Variants in MOCOS observed in about 807,000 individuals in gnomAD.
MOCOS encodes human molybdenum cofactor sulfurase.
In MOCOS, 86 loss-of-function variants were observed where a neutral mutation model predicts 83.6. The observed-to-expected ratio is 1.03, with a 90% CI of 0.86 to 1.23. MOCOS has a LOEUF of 1.23. Among genes scored for constraint, MOCOS ranks in the 50% most tolerant of loss-of-function variants. MOCOS has a pLI of 0.00. For missense variants in MOCOS, 1,120 were observed against 1,126.9 expected (o/e 0.99, Z 0.09); for synonymous variants, 445 against 434.7 (o/e 1.02, Z -0.29).
At chr18:36,257,123 T>C (rs371646056) in intron 12 of MOCOS, 50 bp downstream of exon 12, 2 of 1,504,200 alleles carry the variant, frequency 1.3e-6, no homozygotes, top group Admixed American at 1.7e-5. Flanking sequence ...CATTTGCCAC[T>C]GGGAGCAGGG....
chr18:36,218,296 C>T (rs1297109069), intron 8 of MOCOS, among the ~76,000 whole-genome samples: 2 of 151,722 alleles, frequency 1.3e-5, no homozygotes, highest in South Asian at 2.1e-4. Flanking sequence ...TAATTTTTTC[C>T]ATCAGCAGAC....
intron 1 of MOCOS, 56 bp downstream of exon 1, chr18:36,187,737 G>A (rs1197171269): frequency 1.6e-6 from 2 of 1,248,792 alleles, no homozygotes; most frequent in Middle Eastern, 2.1e-4. Flanking sequence ...GACGTGGACG[G>A]ATCTTTTGCT....
intron 1 of MOCOS, among the ~76,000 whole-genome samples, chr18:36,188,002 G>T (rs891175269): frequency 6.6e-6 from 1 of 152,204 alleles, no homozygotes; most frequent in African/African-American, 2.4e-5. Context: ...ACTGTAAAGG[G>T]CCTGCTGGGG....
At chr18:36,189,972 G>C (rs975905831) in intron 1 of MOCOS, 1 of 152,216 alleles carries the variant, frequency 6.6e-6, no homozygotes, top group African/African-American at 2.4e-5. Flanking sequence ...CTTGGATTTT[G>C]TACTGTTAAC....
At chr18:36,256,245 G>T (rs1289290738) in intron 11 of MOCOS, among the ~76,000 whole-genome samples, 1 of 152,006 alleles carries the variant, frequency 6.6e-6, no homozygotes, top group African/African-American at 2.4e-5. Context: ...CTCAATATCT[G>T]GCACTTGCCC....
intron 9 of MOCOS, among the ~76,000 whole-genome samples, chr18:36,232,625 A>G (rs2091542477): frequency 6.6e-6 from 1 of 151,644 alleles, no homozygotes. Flanking sequence ...CCATTAACCA[A>G]CCTCTCCCTA....
intron 5 of MOCOS, 112 bp downstream of exon 5, chr18:36,203,301 C>A: frequency 1.0e-6 from 1 of 982,732 alleles, no homozygotes; most frequent in Non-Finnish European, 1.6e-6. Context: ...GTGACTGGCA[C>A]TCCATGTAGT....
chr18:36,217,000 C>G (rs566819422), intron 8 of MOCOS, among the ~76,000 whole-genome samples: 1 of 152,140 alleles, frequency 6.6e-6, no homozygotes, highest in Non-Finnish European at 1.5e-5. Flanking sequence ...TAGCTGGACT[C>G]TACTTCTCAA....
At position 36,234,167 on chromosome 18, in the gene MOCOS, C is replaced by G. The variant is rs143698074; in HGVS notation, c.1960+13950C>G. 4.0e-3 allele frequency among the ~76,000 whole-genome samples: 606 copies of G among 152,150 alleles called. 15 individuals carry two copies. The highest frequency in any genetic ancestry group is 0.037 in the Admixed American group (562 of 15,256). On this transcript the variant is annotated intron_variant, in intron 9 of 14. Coordinates refer to ENST00000261326, the MANE Select transcript of MOCOS (RefSeq NM_017947.4). ...TTCTAGGATTTTTATGGTTTCATGT[C>G]TTAGATTTAAGTCTTTGATCCATCT...
chr18:36,251,011 C>G, intron 10 of MOCOS, 148 bp from the exon 11 acceptor site: 1 of 983,916 alleles, frequency 1.0e-6, no homozygotes, highest in Non-Finnish European at 1.5e-6. Context: ...TTGGAAATCT[C>G]CTTGCAGCAT....
chr18:36,199,714 G>T lies in MOCOS; in HGVS notation c.331G>T (p.Asp111Tyr), dbSNP rs764247699. ...ILAHFHTTAE[D>Y]YTVIFTAGST... ...GGCGCACTTCCACACCACCGCAGAA[G>T]ACTACACTGTGATCTTCACTGCCGG... The change falls in exon 4 of 15, where the codon GAC becomes TAC. Residue 111 changes from aspartate to tyrosine, a missense_variant. Coordinates refer to ENST00000261326, the MANE Select transcript of MOCOS (RefSeq NM_017947.4). 2 of 1,614,020 alleles carry T rather than the reference G, an allele frequency of 1.2e-6. No individual in the cohort carries two copies. The highest frequency in any genetic ancestry group is 1.7e-6 in the Non-Finnish European group (2 of 1,180,034).
intron 13 of MOCOS, among the ~76,000 whole-genome samples, chr18:36,263,594 C>T (rs1392475030): frequency 6.6e-6 from 1 of 152,156 alleles, no homozygotes; most frequent in East Asian, 1.9e-4. Context: ...TTACATGACA[C>T]AGTCTGGGAT....
chr18:36,197,247 TA>T (rs1268432653), intron 2 of MOCOS, among the ~76,000 whole-genome samples: 14 of 152,092 alleles, frequency 9.2e-5, no homozygotes, highest in Non-Finnish European at 1.8e-4. Context: ...GGACTTAGAT[TA>T]AGTGGCGTTC....
rs2144900946 is a variant in MOCOS at position 36,199,949 on chromosome 18, A to G, written c.566A>G (p.Asn189Ser). Reference protein sequence around the residue: ...SAEERSASASNPDCQLPHLFC... With the variant: ...SAEERSASASSPDCQLPHLFC... ...GAGGAACGTAGTGCTTCAGCCAGCA[A>G]CCCAGACTGCCAGCTGCCGCATCTC... The change falls in exon 4 of 15, where the codon AAC becomes AGC. Residue 189 changes from asparagine to serine, a missense_variant. Transcript: ENST00000261326. 6.2e-7 allele frequency: 1 copy of G among 1,614,200 alleles called. No individual in the cohort carries two copies. The highest frequency in any genetic ancestry group is 8.5e-7 in the Non-Finnish European group (1 of 1,180,020).
intron 11 of MOCOS, 76 bp downstream of exon 11, chr18:36,251,359 C>G: frequency 1.9e-6 from 3 of 1,563,632 alleles, no homozygotes; most frequent in Non-Finnish European, 2.6e-6. Context: ...AGCCCATGAA[C>G]TGCACTTACG....
At chr18:36,246,529 C>T (rs2096886) in intron 9 of MOCOS, among the ~76,000 whole-genome samples, 16,920 of 152,172 alleles carry the variant, frequency 0.11, 1,032 homozygotes, top group Non-Finnish European at 0.13. Flanking sequence ...GTGAAGGTGG[C>T]GGGGAGTAAA....
chr18:36,188,823 C>CG (rs1052462168), intron 1 of MOCOS, among the ~76,000 whole-genome samples: 1 of 147,406 alleles, frequency 6.8e-6, no homozygotes, highest in Non-Finnish European at 1.5e-5. Flanking sequence ...AGGAGGGAGA[C>CG]GGGGGTGCCT....
At chr18:36,256,745 A>G (rs774749337) in intron 11 of MOCOS, 3 of 483,752 alleles carry the variant, frequency 6.2e-6, no homozygotes, top group Non-Finnish European at 1.1e-5. Flanking sequence ...CCTTATTGTT[A>G]TTTTCTCCAC....
At chr18:36,249,124 C>A in intron 10 of MOCOS, 124 bp downstream of exon 10, 1 of 820,820 alleles carries the variant, frequency 1.2e-6, no homozygotes, top group South Asian at 1.4e-5. Flanking sequence ...TCCATTTCTC[C>A]CTTGCATGCT....
Sources: gnomAD v4.1 joint callset for allele counts (sites outside exome capture counted in the v4.1 genomes callset) on GRCh38, gnomAD v4.1.1 for gene constraint, MANE v1.5 for transcripts, NCBI Gene and HGNC (gene_info 2026-07-23, HGNC 2026-07-21) for gene names.